Variants in MORN1 observed in about 807,000 individuals in gnomAD.
MORN1 encodes the protein MORN repeat-containing protein 1.
MORN1 carries 67 observed loss-of-function variants against 61.9 expected under a neutral mutation model. That is an observed-to-expected ratio of 1.08 (90% confidence interval 0.89 to 1.33). The LOEUF is 1.33. Among genes scored for constraint, MORN1 ranks in the 40% most tolerant of loss-of-function variants. The probability of loss-of-function intolerance (pLI) is 0.00; values close to 1 mark genes in which losing one functional copy is unlikely to be tolerated. For missense variants in MORN1, 752 were observed against 691.2 expected (o/e 1.09, Z -0.99); for synonymous variants, 301 against 292.0 (o/e 1.03, Z -0.31).
intron 10 of MORN1, among the ~76,000 whole-genome samples, chr1:2,342,887 TTTTA>T (rs1451893656): frequency 8.8e-6 from 1 of 113,284 alleles, no homozygotes; most frequent in African/African-American, 3.1e-5. Flanking sequence ...TTTTATTTTA[TTTTA>T]TTTTATTTTA....
intron 10 of MORN1, among the ~76,000 whole-genome samples, chr1:2,338,527 C>T (rs1384914189): frequency 6.6e-6 from 1 of 152,222 alleles, no homozygotes; most frequent in Non-Finnish European, 1.5e-5. Flanking sequence ...TGCGGACACC[C>T]TCACCCTCGG....
At chr1:2,345,417 G>C (rs1369365632) in intron 10 of MORN1, among the ~76,000 whole-genome samples, 2 of 152,254 alleles carry the variant, frequency 1.3e-5, no homozygotes, top group African/African-American at 2.4e-5. Flanking sequence ...CGGGGCACTT[G>C]TCTTGCCTCC....
rs1642155512 is a variant in MORN1, at chr1:2,372,978, T to A, written c.635-387A>T. 6.6e-6 allele frequency among the ~76,000 whole-genome samples: 1 copy of A among 152,240 alleles called. No individual in the cohort carries two copies. The highest frequency in any genetic ancestry group is 2.1e-4 in the South Asian group (1 of 4,834). ...ATTCCCTGCATCTGAGTCAGCACCC[T>A]GAGGTGCTGGACCTGGGACTAGGGC... On this transcript the variant is annotated intron_variant, in intron 7 of 13. Coordinates refer to ENST00000378531, the MANE Select transcript of MORN1 (RefSeq NM_024848.3). The surrounding 1 kb of genome is among the most constrained non-coding windows in gnomAD (Gnocchi z 5.4).
intron 8 of MORN1, chr1:2,371,983 G>A (rs565836990): frequency 3.0e-5 from 5 of 165,968 alleles, no homozygotes; most frequent in Admixed American, 1.8e-4. Context: ...GCATACCCAT[G>A]AGAAATGAAA....
chr1:2,354,688 G>A (rs4648832), intron 10 of MORN1, among the ~76,000 whole-genome samples: 36 of 152,260 alleles, frequency 2.4e-4, no homozygotes, highest in African/African-American at 6.5e-4. Flanking sequence ...CCTGGGTGGA[G>A]GCCAGCATGC....
intron 12 of MORN1, among the ~76,000 whole-genome samples, chr1:2,328,863 C>A (rs1010079485): frequency 6.6e-6 from 1 of 152,214 alleles, no homozygotes; most frequent in Non-Finnish European, 1.5e-5. Flanking sequence ...CCTCTTGCCT[C>A]CTGCCTGGGC....
chr1:2,325,163 T>TCCTTCCTTCCCTTCCTTCCCTC (rs1640991371), intron 12 of MORN1, among the ~76,000 whole-genome samples: 1 of 56,646 alleles, frequency 1.8e-5, no homozygotes, highest in African/African-American at 6.1e-5. Context: ...TTCCCTCCCT[T>TCCTTCCTTCCCTTCCTTCCCTC]CCTTCCTTTC....
At position 2,357,488 on chromosome 1, in the gene MORN1, AG is replaced by A. The variant is rs755741273; in HGVS notation, c.979del (p.Leu327TrpfsTer106). On this transcript the variant is annotated frameshift_variant, in exon 10 of 14. Transcript: ENST00000378531. LOFTEE classifies it high-confidence loss of function. This position sits in a 1 kb window ranked among gnomAD's most constrained non-coding sequence, Gnocchi z 6.3. ...EADVPLPRGD[L>X]ELHLGALHGQ... ...ATGGAGGGCACCCAAATGCAGCTCC[AG>A]GTCTCCCCTGGGCAGGGGCACGTCG... 6.2e-7 allele frequency: 1 copy of A among 1,612,372 alleles called. No individual in the cohort carries two copies. Among genetic ancestry groups the A allele is most frequent in the East Asian group, 2.2e-5 (1 of 44,794 alleles).
intron 10 of MORN1, among the ~76,000 whole-genome samples, chr1:2,356,429 C>T (rs1292885927): frequency 6.6e-6 from 1 of 152,144 alleles, no homozygotes; most frequent in Non-Finnish European, 1.5e-5. Flanking sequence ...TCAGATCTGC[C>T]CTGTGCTCCT....
chr1:2,330,947 A>G (rs1210391535), intron 12 of MORN1, among the ~76,000 whole-genome samples: 1 of 152,248 alleles, frequency 6.6e-6, no homozygotes, highest in East Asian at 1.9e-4. Flanking sequence ...ACATCTTTTC[A>G]GAACCGACAG....
rs767757403 is a variant in MORN1, at chr1:2,374,542, C to T, written c.553G>A (p.Asp185Asn). ...GSTYKGQWHS[D>N]VFSGLGSMAH... The stretch of plus-strand genomic sequence containing the variant: ...ATGCTGCCCAGTCCACTGAAGACGT[C>T]GCTGTGCCACTGTCCCTGCAGAGAG... Residue 185 changes from aspartate (D) to asparagine (N), a missense_variant, in exon 7 of 14, where the codon GAC (aspartate) becomes AAC (asparagine). Transcript: ENST00000378531. 7.5e-6 allele frequency: 12 copies of T among 1,595,010 alleles called. No individual in the cohort carries two copies. The African/African-American group carries it at 8.0e-5, about 11-fold the overall frequency.
intron 10 of MORN1, among the ~76,000 whole-genome samples, chr1:2,341,617 G>A (rs1455529875): frequency 2.6e-5 from 4 of 152,078 alleles, no homozygotes; most frequent in Non-Finnish European, 4.4e-5. Flanking sequence ...CTTGAACACG[G>A]GAGGCAGAGG....
At chr1:2,373,813 CT>C (rs1478053794) in intron 7 of MORN1, among the ~76,000 whole-genome samples, 7 of 151,328 alleles carry the variant, frequency 4.6e-5, no homozygotes, top group Non-Finnish European at 1.0e-4. Context: ...CCCGTCACCC[CT>C]GTGACCTCTC....
intron 6 of MORN1, chr1:2,377,850 A>G (rs1642277088): frequency 6.6e-6 from 1 of 152,030 alleles, no homozygotes; most frequent in Non-Finnish European, 1.5e-5. Context: ...GTAACCCCCA[A>G]CCATTGCCAA....
In MORN1 at chr1:2,321,584, A is replaced by G. The variant is rs1328850719; in HGVS notation, c.1298-5T>C. 1.3e-6 allele frequency: 2 copies of G among 1,484,410 alleles called. No homozygotes were observed. The highest frequency in any genetic ancestry group is 5.2e-5 in the East Asian group (2 of 38,686). The allele number at this position is 1,484,410 out of a possible 1,614,324, so 92.0% of individuals were successfully genotyped here. The stretch of plus-strand genomic sequence containing the variant: ...GGATCATGAGCACGTACTCCCCTGC[A>G]AGGGGCGGGTGGGCTGGTCCTCAGC... On this transcript the variant is annotated splice_polypyrimidine_tract_variant and splice_region_variant and intron_variant, in intron 13 of 13. Coordinates refer to ENST00000378531, the MANE Select transcript of MORN1 (RefSeq NM_024848.3).
At chr1:2,332,352 G>A (rs1180428976) in intron 12 of MORN1, 5 of 341,976 alleles carry the variant, frequency 1.5e-5, no homozygotes, top group African/African-American at 8.6e-5. Flanking sequence ...GGTGAGCATA[G>A]CCCGGCCACC....
chr1:2,329,225 C>T (rs986201306), intron 12 of MORN1, among the ~76,000 whole-genome samples: 28 of 151,092 alleles, frequency 1.9e-4, no homozygotes, highest in Admixed American at 5.9e-4. Flanking sequence ...TCCACATCCC[C>T]GCTGAGCGCT....
chr1:2,360,170 A>G (rs1220399736), intron 8 of MORN1, among the ~76,000 whole-genome samples: 1 of 152,226 alleles, frequency 6.6e-6, no homozygotes, highest in East Asian at 1.9e-4. Flanking sequence ...TCTGAGGTCA[A>G]GGTCCTATGG....
At chr1:2,321,621 C>T in intron 13 of MORN1, 42 bp from the exon 14 acceptor site, 1 of 1,435,886 alleles carries the variant, frequency 7.0e-7, no homozygotes, top group Non-Finnish European at 9.2e-7. Flanking sequence ...GGCTCCTGTC[C>T]CTTCCCCTCC....
Sources: allele counts gnomAD v4.1 joint callset (sites outside exome capture counted in the v4.1 genomes callset), GRCh38; gene constraint gnomAD v4.1.1; non-coding constraint Gnocchi (gnomAD v3.1); transcripts MANE v1.5; gene names NCBI Gene and HGNC (gene_info 2026-07-23, HGNC 2026-07-21).